Variants in RETREG1 observed in about 807,000 individuals in gnomAD.
RETREG1 encodes the protein reticulophagy regulator 1.
Under a neutral mutation model 54.8 loss-of-function variants are expected in RETREG1, and 44 were observed. That is an observed-to-expected ratio of 0.80 (90% CI 0.63 to 1.03). The LOEUF (loss-of-function observed/expected upper bound fraction) is 1.03. Among genes scored for constraint, RETREG1 ranks in the 50% least tolerant of loss-of-function variants. RETREG1 has a pLI of 0.00. For synonymous variants in RETREG1, 217 were observed against 238.5 expected (o/e 0.91, Z 0.83); for missense variants, 554 against 605.1 (o/e 0.92, Z 0.89).
At chr5:16,546,836 G>C (rs1475147117) in intron 3 of RETREG1, among the ~76,000 whole-genome samples, 1 of 152,108 alleles carries the variant, frequency 6.6e-6, no homozygotes, top group Non-Finnish European at 1.5e-5. Flanking sequence ...GAAAACTTCT[G>C]ATGATGATGT....
intron 3 of RETREG1, among the ~76,000 whole-genome samples, chr5:16,555,984 A>G (rs756640480): frequency 1.3e-5 from 2 of 152,162 alleles, no homozygotes; most frequent in South Asian, 2.1e-4. Flanking sequence ...ATATTTATAA[A>G]TGAACTTCAC....
chr5:16,568,327 A>C (rs1742076425), intron 2 of RETREG1, among the ~76,000 whole-genome samples: 1 of 151,308 alleles, frequency 6.6e-6, no homozygotes, highest in Non-Finnish European at 1.5e-5. Context: ...GCTGGAGTGC[A>C]ATGACGTGAT....
intron 3 of RETREG1, among the ~76,000 whole-genome samples, chr5:16,535,261 C>T (rs759793153): frequency 1.3e-5 from 2 of 152,234 alleles, no homozygotes; most frequent in Admixed American, 6.5e-5. Context: ...GCTCTGAGTG[C>T]GCTCATTGAT....
chr5:16,564,957 T>G (rs150461548), intron 3 of RETREG1, among the ~76,000 whole-genome samples: 2 of 152,366 alleles, frequency 1.3e-5, no homozygotes, highest in East Asian at 3.9e-4. Flanking sequence ...CAATTCATTT[T>G]GTGATGCCCA....
intron 3 of RETREG1, among the ~76,000 whole-genome samples, chr5:16,492,421 A>G (rs955357189): frequency 6.6e-6 from 1 of 152,108 alleles, no homozygotes; most frequent in African/African-American, 2.4e-5. Context: ...AAGCCAAACA[A>G]TATTTTTCAG....
In RETREG1 at chr5:16,473,818, A is replaced by G. The variant is rs1738407903; in HGVS notation, c.*923T>C. On this transcript the variant is annotated 3_prime_UTR_variant, in exon 9 of 9. Transcript: ENST00000306320. ...CAGGCTAAGAAAACAGAGTTATTAT[A>G]TCTTTATTGCTGATGATCACATCAC... is the stretch of plus-strand genomic sequence containing the variant. The G allele has an allele frequency of 6.6e-6, 1 of 152,176 alleles. No homozygotes were observed. Among genetic ancestry groups the G allele is most frequent in the South Asian group, 2.1e-4 (1 of 4,828 alleles). 9.4% of individuals were successfully genotyped at this position (152,176 alleles called of 1,614,324 possible).
chr5:16,508,849 T>C, intron 3 of RETREG1: 2 of 1,409,224 alleles, frequency 1.4e-6, no homozygotes, highest in East Asian at 2.6e-5. Context: ...GCTGGGTTAT[T>C]ATCACTGCCC....
chr5:16,489,420 G>C (rs1739163267), intron 3 of RETREG1, among the ~76,000 whole-genome samples: 1 of 152,142 alleles, frequency 6.6e-6, no homozygotes, highest in South Asian at 2.1e-4. Flanking sequence ...TTCTCCATTA[G>C]GGGGTTCTGT....
At chr5:16,591,744 G>A (rs1305909192) in intron 1 of RETREG1, among the ~76,000 whole-genome samples, 1 of 152,144 alleles carries the variant, frequency 6.6e-6, no homozygotes, top group Admixed American at 6.6e-5. Context: ...CAAGTCCAAC[G>A]GAAAACATCT....
intron 3 of RETREG1, among the ~76,000 whole-genome samples, chr5:16,562,932 A>G (rs1429264101): frequency 6.6e-6 from 1 of 151,872 alleles, no homozygotes; most frequent in Non-Finnish European, 1.5e-5. Flanking sequence ...AGAATAAATT[A>G]GCTATTGCTT....
At chr5:16,568,465 G>T (rs946384134) in intron 2 of RETREG1, among the ~76,000 whole-genome samples, 1 of 152,070 alleles carries the variant, frequency 6.6e-6, no homozygotes, top group Non-Finnish European at 1.5e-5. Flanking sequence ...TAGAGACAGG[G>T]TTTCACCATG....
chr5:16,605,658 T>G (rs1743167466), intron 1 of RETREG1, among the ~76,000 whole-genome samples: 2 of 152,182 alleles, frequency 1.3e-5, no homozygotes, highest in African/African-American at 4.8e-5. Context: ...ACTAGGTGGC[T>G]TATGCGTAAC....
intron 1 of RETREG1, among the ~76,000 whole-genome samples, chr5:16,578,016 C>CT (rs35283017): frequency 1.3e-5 from 2 of 152,222 alleles, no homozygotes; most frequent in East Asian, 1.9e-4. Context: ...TTTCTTATTC[C>CT]TTTTTTTCCT....
At chr5:16,560,239 T>G (rs1377825354) in intron 3 of RETREG1, among the ~76,000 whole-genome samples, 2 of 152,248 alleles carry the variant, frequency 1.3e-5, no homozygotes. Context: ...ACCACGTTTA[T>G]GCTAAATTTT....
chr5:16,561,462 A>C lies in RETREG1; in HGVS notation c.458+4301T>G, dbSNP rs992760555. Among the ~76,000 whole-genome samples the C allele has an allele frequency of 6.6e-6, 1 of 152,008 alleles. No individual in the cohort carries two copies. Among genetic ancestry groups the C allele is most frequent in the African/African-American group, 2.4e-5 (1 of 41,376 alleles). On this transcript the variant is annotated intron_variant, in intron 3 of 8. Coordinates refer to ENST00000306320, the MANE Select transcript of RETREG1 (RefSeq NM_001034850.3). The surrounding 1 kb of genome is among the most constrained non-coding windows in gnomAD (Gnocchi z 4.2). ...CAGAGAGCCAAGATCGCTCTACCAC[A>C]CTCCAGCCTGGGCGACAGAGCAAGA...
chr5:16,519,112 T>C (rs1014248429), intron 3 of RETREG1, among the ~76,000 whole-genome samples: 36 of 152,208 alleles, frequency 2.4e-4, no homozygotes, highest in Non-Finnish European at 1.6e-4. Context: ...TTGTAAATGA[T>C]GCCATCGATA....
chr5:16,572,109 C>T lies in RETREG1; in HGVS notation c.321-7G>A. 1 of 1,582,816 alleles carries T rather than the reference C, an allele frequency of 6.3e-7. No individual in the cohort carries two copies. ...TGGAGTCAATGCAAGGAACCTGCAA[C>T]AGCGAAACACAAATCAGTATTTCAA... On this transcript the variant is annotated splice_region_variant and splice_polypyrimidine_tract_variant and intron_variant, in intron 1 of 8. Transcript: ENST00000306320.
At chr5:16,603,554 G>C (rs1404852658) in intron 1 of RETREG1, among the ~76,000 whole-genome samples, 1 of 152,114 alleles carries the variant, frequency 6.6e-6, no homozygotes, top group Admixed American at 6.5e-5. Context: ...GTGGGAGAGC[G>C]GCTGCCTACA....
At chr5:16,604,706 G>A (rs1320019531) in intron 1 of RETREG1, among the ~76,000 whole-genome samples, 8 of 152,184 alleles carry the variant, frequency 5.3e-5, no homozygotes, top group Admixed American at 3.9e-4. Flanking sequence ...CGTCAGGAGC[G>A]TGGAGGTGGC....
Sources: allele counts gnomAD v4.1 joint callset (sites outside exome capture counted in the v4.1 genomes callset), GRCh38; gene constraint gnomAD v4.1.1; non-coding constraint Gnocchi (gnomAD v3.1); transcripts MANE v1.5; gene names NCBI Gene and HGNC (gene_info 2026-07-23, HGNC 2026-07-21).